The following LEMD3 variants were observed in gnomAD, a reference collection of about 807,000 sequenced individuals.
LEMD3 encodes inner nuclear membrane protein Man1.
In LEMD3, 33 loss-of-function variants were observed where a neutral mutation model predicts 95.2. The ratio of observed to expected loss-of-function variants is 0.35; its 90% CI spans 0.26 to 0.46. The LOEUF (loss-of-function observed/expected upper bound fraction) is 0.46. LEMD3 is among the 20% of genes least tolerant of loss of function. LEMD3 has a pLI of 1.00. For missense variants in LEMD3, 1,210 were observed against 1,192.8 expected (o/e 1.01, Z -0.21); for synonymous variants, 525 against 474.6 (o/e 1.11, Z -1.38).
chr12:65,173,841 T>C (rs1159399251), intron 1 of LEMD3, among the ~76,000 whole-genome samples: 2 of 152,220 alleles, frequency 1.3e-5, no homozygotes, highest in Admixed American at 1.3e-4. Context: ...ATACACTTGA[T>C]GTATTGTATG....
chr12:65,240,445 A>C (rs1449779066), intron 8 of LEMD3: 2 of 554,434 alleles, frequency 3.6e-6, no homozygotes, highest in Non-Finnish European at 3.2e-6. Flanking sequence ...CTGGATTTCT[A>C]AGTCATTCTC....
intron 4 of LEMD3, among the ~76,000 whole-genome samples, chr12:65,228,483 C>T (rs555899379): frequency 6.6e-6 from 1 of 151,820 alleles, no homozygotes; most frequent in African/African-American, 2.4e-5. Context: ...GCAAGCTCTC[C>T]TTCCCAGGTT....
intron 4 of LEMD3, among the ~76,000 whole-genome samples, chr12:65,223,298 GA>G (rs1870348090): frequency 7.2e-6 from 1 of 139,744 alleles, no homozygotes; most frequent in African/African-American, 2.7e-5. Flanking sequence ...CTCATGTGAT[GA>G]TTTTTTTTTT....
chr12:65,206,371 T>G (rs1869764631), intron 1 of LEMD3, among the ~76,000 whole-genome samples: 1 of 152,142 alleles, frequency 6.6e-6, no homozygotes, highest in East Asian at 1.9e-4. Context: ...CCTTTAAAAC[T>G]CCTGTCTGTA....
chr12:65,211,152 G>C (rs1869926155), intron 2 of LEMD3, among the ~76,000 whole-genome samples, 189 bp downstream of exon 2: 1 of 152,160 alleles, frequency 6.6e-6, no homozygotes, highest in African/African-American at 2.4e-5. Flanking sequence ...CTTATTCTGA[G>C]TATTCCCTAA....
At chr12:65,236,371 A>G (rs1870772522) in intron 4 of LEMD3, among the ~76,000 whole-genome samples, 1 of 152,026 alleles carries the variant, frequency 6.6e-6, no homozygotes, top group Admixed American at 6.5e-5. Context: ...GCGAAACCCC[A>G]TCTCTACTAC....
chr12:65,194,784 A>G (rs1034085086), intron 1 of LEMD3, among the ~76,000 whole-genome samples: 24 of 146,448 alleles, frequency 1.6e-4, no homozygotes, highest in Non-Finnish European at 3.0e-4. Flanking sequence ...GTTTTGGGGA[A>G]TGGTTAGTAT....
At chr12:65,227,735 A>AT (rs5798774) in intron 4 of LEMD3, among the ~76,000 whole-genome samples, 4,267 of 127,986 alleles carry the variant, frequency 0.033, 226 homozygotes, top group African/African-American at 0.12. Context: ...AATTTTTGCG[A>AT]TTTTTTTTTT....
At chr12:65,204,139 A>G (rs1276125204) in intron 1 of LEMD3, among the ~76,000 whole-genome samples, 1 of 151,332 alleles carries the variant, frequency 6.6e-6, no homozygotes. Context: ...ACTTAATGTC[A>G]TCAATAGCTT....
At chr12:65,183,025 C>T (rs748018925) in intron 1 of LEMD3, among the ~76,000 whole-genome samples, 5 of 152,112 alleles carry the variant, frequency 3.3e-5, no homozygotes, top group Non-Finnish European at 5.9e-5. Context: ...TCTTCAGTCT[C>T]TTAGATAAGT....
At position 65,238,829 on chromosome 12, in the gene LEMD3, T is replaced by A; in HGVS notation, c.1921+15T>A. Reference sequence around the variant, plus strand: ...GTTATGCTTAGGTAAGTTGTAAAGATAAGAAATGAGATAAATTGCAGCCTG... The same window carrying A: ...GTTATGCTTAGGTAAGTTGTAAAGAAAAGAAATGAGATAAATTGCAGCCTG... On this transcript the variant is annotated intron_variant, in intron 6 of 12. Transcript: ENST00000308330. 1 of 1,613,648 alleles carries A rather than the reference T, an allele frequency of 6.2e-7. No individual in the cohort carries two copies.
Position 65,240,046 on chromosome 12 carries a change from G to A in LEMD3, c.2023+16G>A. On this transcript the variant is annotated intron_variant, in intron 7 of 12. Coordinates refer to ENST00000308330, the MANE Select transcript of LEMD3 (RefSeq NM_014319.5). Reference sequence around the variant, plus strand: ...AAGATTATAGGTATGATATTTGTAAGAATCTCAACTATTTCTAGAAGAGTC... The same window carrying A: ...AAGATTATAGGTATGATATTTGTAAAAATCTCAACTATTTCTAGAAGAGTC... The A allele has an allele frequency of 6.4e-7, 1 of 1,560,842 alleles. No individual in the cohort carries two copies. The highest frequency in any genetic ancestry group is 2.2e-5 in the East Asian group (1 of 44,540).
At chr12:65,183,280 A>T (rs1471119093) in intron 1 of LEMD3, among the ~76,000 whole-genome samples, 2 of 152,182 alleles carry the variant, frequency 1.3e-5, no homozygotes, top group African/African-American at 4.8e-5. Context: ...TTTTTGAATT[A>T]AGGCTTTAGA....
chr12:65,240,282 A>C (rs1870895803), intron 8 of LEMD3, 44 bp downstream of exon 8: 1 of 1,379,096 alleles, frequency 7.3e-7, no homozygotes, highest in African/African-American at 1.4e-5. Context: ...AGAAAATTTA[A>C]GTGCTTTCTG....
chr12:65,215,911 TTAAGAA>T, intron 2 of LEMD3, 60 bp from the exon 3 acceptor site: 2 of 622,740 alleles, frequency 3.2e-6, no homozygotes, highest in South Asian at 2.3e-5. Flanking sequence ...TTTTTTTTGA[TTAAGAA>T]TTATTTGGTG....
At position 65,240,033 on chromosome 12, in the gene LEMD3, A is replaced by G; in HGVS notation, c.2023+3A>G. ...TGATATGGTGGTAAAGATTATAGGTATGATATTTGTAAGAATCTCAACTAT... is the reference window on the plus strand; with the variant it reads ...TGATATGGTGGTAAAGATTATAGGTGTGATATTTGTAAGAATCTCAACTAT... On this transcript the variant is annotated splice_donor_region_variant and intron_variant, in intron 7 of 12. Coordinates refer to ENST00000308330, the MANE Select transcript of LEMD3 (RefSeq NM_014319.5). 2 of 1,585,718 alleles carry G rather than the reference A, an allele frequency of 1.3e-6. No individual in the cohort carries two copies. Among genetic ancestry groups the G allele is most frequent in the Non-Finnish European group, 1.7e-6 (2 of 1,154,210 alleles).
chr12:65,227,487 C>T (rs1461506743), intron 4 of LEMD3, among the ~76,000 whole-genome samples: 2 of 152,104 alleles, frequency 1.3e-5, no homozygotes, highest in Non-Finnish European at 2.9e-5. Flanking sequence ...CCCCCATGGA[C>T]ACAAAAATTT....
In LEMD3 at chr12:65,200,899, CTCTTT is replaced by C. The variant is rs537696993; in HGVS notation, c.1523-10025_1523-10021del. Among the ~76,000 whole-genome samples the C allele has an allele frequency of 1.6e-3, 239 of 152,144 alleles. 1 individual carries two copies. Among genetic ancestry groups the C allele is most frequent in the Admixed American group, 5.7e-3 (87 of 15,276 alleles). On this transcript the variant is annotated intron_variant, in intron 1 of 12. Coordinates refer to ENST00000308330, the MANE Select transcript of LEMD3 (RefSeq NM_014319.5). Reference sequence around the variant, plus strand: ...TGCCAAACCCTGGGTCATCTAGATTCTCTTTTATCTTCTAGGAGTTTTATAGTTTT... The same window carrying C: ...TGCCAAACCCTGGGTCATCTAGATTCTATCTTCTAGGAGTTTTATAGTTTT...
At chr12:65,202,639 G>A (rs559721571) in intron 1 of LEMD3, among the ~76,000 whole-genome samples, 1 of 152,218 alleles carries the variant, frequency 6.6e-6, no homozygotes, top group South Asian at 2.1e-4. Context: ...TAGAGAATTG[G>A]TATAAGTTTT....
Sources: gnomAD v4.1 joint callset for allele counts (sites outside exome capture counted in the v4.1 genomes callset) on GRCh38, gnomAD v4.1.1 for gene constraint, MANE v1.5 for transcripts, NCBI Gene and HGNC (gene_info 2026-07-23, HGNC 2026-07-21) for gene names.